Variants in XPO4 observed in about 807,000 individuals in gnomAD.
XPO4 encodes the protein exportin 4, also known as exportin-4.
A neutral mutation model predicts 143.0 loss-of-function variants in XPO4; 39 were observed. The observed-to-expected ratio is 0.27, with a 90% confidence interval of 0.21 to 0.36. XPO4 has a LOEUF of 0.36. XPO4 is among the 10% of genes least tolerant of loss of function. The pLI is 1.00. For missense variants in XPO4, 907 were observed against 1,348.0 expected (o/e 0.67, Z 5.12); for synonymous variants, 439 against 474.0 (o/e 0.93, Z 0.96).
intron 4 of XPO4, chr13:20,851,730 A>AT: frequency 1.2e-6 from 1 of 828,214 alleles, no homozygotes; most frequent in Non-Finnish European, 1.4e-6. Flanking sequence ...AAAAAAAAAA[A>AT]GAAAGAAAGA....
intron 18 of XPO4, among the ~76,000 whole-genome samples, chr13:20,794,927 TAA>T (rs1212952952): frequency 2.2e-5 from 3 of 133,844 alleles, no homozygotes; most frequent in East Asian, 2.1e-4. Context: ...GCAAAAAAAA[TAA>T]AGAGTAAACC....
intron 11 of XPO4, 121 bp from the exon 12 acceptor site, chr13:20,808,702 A>C: frequency 1.3e-6 from 1 of 776,724 alleles, no homozygotes; most frequent in Non-Finnish European, 1.9e-6. Flanking sequence ...ATATACAAAA[A>C]CATTATAGTA....
At chr13:20,791,648 T>G (rs1238463530) in intron 18 of XPO4, among the ~76,000 whole-genome samples, 2 of 152,090 alleles carry the variant, frequency 1.3e-5, no homozygotes, top group Non-Finnish European at 2.9e-5. Context: ...AAAACAAACT[T>G]GTATTTAGAG....
Position 20,862,793 on chromosome 13 carries a change from C to G in XPO4, c.241G>C (p.Glu81Gln), listed in dbSNP as rs758952264. 2.5e-6 allele frequency: 4 copies of G among 1,614,184 alleles called. No individual in the cohort carries two copies. In the South Asian group the frequency reaches 4.4e-5, roughly 18 times the overall value. Residue 81 changes from glutamate to glutamine, a missense_variant, in exon 3 of 23, where the codon GAG (glutamate) becomes CAG (glutamine). By Grantham distance (29) the Glu-to-Gln change is conservative. Transcript: ENST00000255305. ...ATAIMEAVVR[E>Q]WILLEKGSIE... ...CTACCTTTTTCCAAGAGAATCCACT[C>G]TCGGACAACTGCTTCCATTATGGCT...
intron 9 of XPO4, among the ~76,000 whole-genome samples, chr13:20,819,521 G>A (rs1440136639): frequency 4.6e-5 from 7 of 152,194 alleles, no homozygotes; most frequent in South Asian, 2.1e-4. Flanking sequence ...TTAGCCGGGC[G>A]TGATGGCGCA....
intron 1 of XPO4, among the ~76,000 whole-genome samples, chr13:20,895,086 G>A (rs2060555394): frequency 6.6e-6 from 1 of 151,736 alleles, no homozygotes; most frequent in Non-Finnish European, 1.5e-5. Flanking sequence ...GCTGAAGCAG[G>A]ATAATTGCTT....
rs1296029681 is a variant in XPO4 at position 20,813,272 on chromosome 13, C to T, written c.1174-3305G>A. Reference sequence around the variant, plus strand: ...ATTTGGGTGGGGACACAGAGCCAAACCATCTCAATCTGAAACCCATATAAC... The same window carrying T: ...ATTTGGGTGGGGACACAGAGCCAAATCATCTCAATCTGAAACCCATATAAC... On this transcript the variant is annotated intron_variant, in intron 9 of 22. Coordinates refer to ENST00000255305, the MANE Select transcript of XPO4 (RefSeq NM_022459.5). Among the ~76,000 whole-genome samples the T allele has an allele frequency of 2.6e-5, 4 of 152,238 alleles. No individual in the cohort carries two copies. In the South Asian group the frequency reaches 8.3e-4, roughly 32 times the overall value.
intron 9 of XPO4, 37 bp downstream of exon 9, chr13:20,821,667 G>A (rs768991973): frequency 1.8e-5 from 28 of 1,567,702 alleles, no homozygotes; most frequent in Admixed American, 3.7e-5. Flanking sequence ...ATTTCCTTGT[G>A]AAAACTGACA....
At chr13:20,889,820 T>G (rs2060494774) in intron 1 of XPO4, among the ~76,000 whole-genome samples, 1 of 152,216 alleles carries the variant, frequency 6.6e-6, no homozygotes. Context: ...TTGATACAGT[T>G]CGTAAGTGGG....
rs2059457606 is a variant in XPO4 at position 20,803,146 on chromosome 13, C to A, written c.1818-2156G>T. Among the ~76,000 whole-genome samples, 3 of 151,502 alleles carry A rather than the reference C, an allele frequency of 2.0e-5. No individual in the cohort carries two copies. The South Asian group carries it at 6.2e-4, about 31-fold the overall frequency. ...AGTACCCCAATTATTTGAATTTCTTCCAAGTTATACACCAAAAATCACAGA... is the reference window on the plus strand; with the variant it reads ...AGTACCCCAATTATTTGAATTTCTTACAAGTTATACACCAAAAATCACAGA... On this transcript the variant is annotated intron_variant, in intron 13 of 22. Transcript: ENST00000255305. This position sits in a 1 kb window ranked among gnomAD's most constrained non-coding sequence, Gnocchi z 4.1.
chr13:20,804,883 T>C (rs1261219753), intron 13 of XPO4, among the ~76,000 whole-genome samples: 1 of 152,102 alleles, frequency 6.6e-6, no homozygotes, highest in Non-Finnish European at 1.5e-5. Context: ...TTCTCTTGGA[T>C]TACTACAATT....
chr13:20,857,876 T>G, intron 3 of XPO4: 2 of 985,402 alleles, frequency 2.0e-6, no homozygotes, highest in South Asian at 9.4e-5. Context: ...ATTGTGCATT[T>G]CACTGTATAC....
At chr13:20,804,740 C>T (rs1485519612) in intron 13 of XPO4, among the ~76,000 whole-genome samples, 3 of 152,170 alleles carry the variant, frequency 2.0e-5, no homozygotes, top group African/African-American at 4.8e-5. Context: ...TTTCAAACAG[C>T]ACTCAGTTTC....
At chr13:20,849,666 C>A in intron 4 of XPO4, 3 of 984,696 alleles carry the variant, frequency 3.0e-6, no homozygotes, top group Non-Finnish European at 3.6e-6. Flanking sequence ...ATCATACAGG[C>A]ATAAATTAAC....
chr13:20,799,337 G>A lies in XPO4; in HGVS notation c.2150C>T (p.Ala717Val). Residue 717 changes from alanine to valine, a missense_variant and splice_region_variant, in exon 16 of 23, where the codon GCA becomes GTA. Coordinates refer to ENST00000255305, the MANE Select transcript of XPO4 (RefSeq NM_022459.5). The stretch of plus-strand genomic sequence containing the variant: ...GTTCTCACATTGAATTACTAAGTTT[G>A]CCCTACAGGTAGAAATAACAAAACA... ...LVTLVERRERANLVIQCENWW... is the reference protein window; with the variant it reads ...LVTLVERRERVNLVIQCENWW... The A allele has an allele frequency of 6.2e-7, 1 of 1,612,260 alleles. No homozygotes were observed. The highest frequency in any genetic ancestry group is 8.5e-7 in the Non-Finnish European group (1 of 1,178,688).
At chr13:20,859,547 C>T (rs1013589821) in intron 3 of XPO4, among the ~76,000 whole-genome samples, 2 of 152,018 alleles carry the variant, frequency 1.3e-5, no homozygotes, top group Non-Finnish European at 2.9e-5. Flanking sequence ...TTTCAGTGAG[C>T]GGAGATCACG....
intron 18 of XPO4, among the ~76,000 whole-genome samples, chr13:20,790,940 T>C (rs2059272036): frequency 6.6e-6 from 1 of 152,194 alleles, no homozygotes; most frequent in African/African-American, 2.4e-5. Flanking sequence ...CTAGCCATAA[T>C]GAGTTAAACA....
At chr13:20,870,601 G>A (rs1199968033) in intron 1 of XPO4, among the ~76,000 whole-genome samples, 1 of 151,776 alleles carries the variant, frequency 6.6e-6, no homozygotes, top group Non-Finnish European at 1.5e-5. Flanking sequence ...TCAGTGGCAG[G>A]AGCCTGTAAT....
intron 13 of XPO4, among the ~76,000 whole-genome samples, chr13:20,804,967 CAG>C (rs370488324): frequency 2.0e-5 from 3 of 149,644 alleles, no homozygotes; most frequent in Admixed American, 6.7e-5. Flanking sequence ...TTTTTTGAGA[CAG>C]GGTCTTGCTG....
Sources: allele counts gnomAD v4.1 joint callset (sites outside exome capture counted in the v4.1 genomes callset), GRCh38; gene constraint gnomAD v4.1.1; non-coding constraint Gnocchi (gnomAD v3.1); transcripts MANE v1.5; gene names NCBI Gene and HGNC (gene_info 2026-07-23, HGNC 2026-07-21).